The following PCDHA7 variants were observed in gnomAD, a reference collection of about 807,000 sequenced individuals.
PCDHA7 encodes protocadherin alpha-7.
In PCDHA7, 37 loss-of-function variants were observed where a neutral mutation model predicts 57.2. That is an observed-to-expected ratio of 0.65 (90% confidence interval 0.50 to 0.85). The LOEUF (loss-of-function observed/expected upper bound fraction) is 0.85, where lower values mean the gene tolerates loss of function less well. PCDHA7 is among the 40% of genes least tolerant of loss of function. The pLI is 0.00. For synonymous variants in PCDHA7, 553 were observed against 558.8 expected, an observed-to-expected ratio of 0.99 and a Z score of 0.15; for missense variants, 1,188 against 1,241.8, an observed-to-expected ratio of 0.96 and a Z score of 0.65.
chr5:141,010,107 C>T lies in PCDHA7; in HGVS notation c.*170C>T, dbSNP rs1457376249. On this transcript the variant is annotated 3_prime_UTR_variant, in exon 4 of 4. Coordinates refer to ENST00000525929, the MANE Select transcript of PCDHA7 (RefSeq NM_018910.3). ...CTAGAACGCATTTAACAGGTTTTGT[C>T]GTAAAAGCTTTACTAAGTCTGGTGT... 8.1e-6 allele frequency: 13 copies of T among 1,611,484 alleles called. No individual in the cohort carries two copies. Among genetic ancestry groups the T allele is most frequent in the South Asian group, 4.4e-5 (4 of 90,776 alleles).
chr5:140,848,904 CAA>C, intron 1 of PCDHA7: 1 of 1,608,060 alleles, frequency 6.2e-7, no homozygotes. Flanking sequence ...CCCAGCGACA[CAA>C]AAGAATCTGT....
chr5:140,993,661 A>G (rs902592339), intron 3 of PCDHA7, among the ~76,000 whole-genome samples: 1 of 152,182 alleles, frequency 6.6e-6, no homozygotes, highest in African/African-American at 2.4e-5. Flanking sequence ...TTGGTTAACA[A>G]TGGACCACAT....
intron 1 of PCDHA7, among the ~76,000 whole-genome samples, chr5:140,872,820 T>C (rs1233972983): frequency 6.6e-6 from 1 of 152,216 alleles, no homozygotes; most frequent in African/African-American, 2.4e-5. Flanking sequence ...TTCAGATTCA[T>C]CTAGCAGAGA....
intron 1 of PCDHA7, chr5:140,882,108 A>G: frequency 7.3e-7 from 1 of 1,370,912 alleles, no homozygotes; most frequent in Non-Finnish European, 9.8e-7. Flanking sequence ...TCCGCGAAGA[A>G]AGCCGCCGTT....
Position 140,855,272 on chromosome 5 carries a change from A to G in PCDHA7, c.2355+18534A>G, listed in dbSNP as rs527268244. Among the ~76,000 whole-genome samples the G allele has an allele frequency of 6.0e-5, 9 of 149,830 alleles. 1 individual carries two copies. In the South Asian group the frequency reaches 1.7e-3, roughly 28 times the overall value. ...CACTTACTATATTATAATTCACTCA[A>G]CCACCGTATTACTATTAGGCCAAAG... On this transcript the variant is annotated intron_variant, in intron 1 of 3. Transcript: ENST00000525929.
At chr5:140,850,218 G>A (rs2150473987) in intron 1 of PCDHA7, 3 of 1,593,686 alleles carry the variant, frequency 1.9e-6, no homozygotes, top group African/African-American at 1.3e-5. Flanking sequence ...GGGCACTGAC[G>A]GCGCAGTGAG....
intron 1 of PCDHA7, among the ~76,000 whole-genome samples, chr5:140,887,714 T>C (rs772328025): frequency 6.6e-6 from 1 of 152,220 alleles, no homozygotes; most frequent in Admixed American, 6.5e-5. Flanking sequence ...CTTCTTCTAA[T>C]AGTTTTTTCT....
chr5:140,852,798 T>A, intron 1 of PCDHA7: 1 of 976,860 alleles, frequency 1.0e-6, no homozygotes, highest in Non-Finnish European at 1.2e-6. Context: ...GCTACAGATG[T>A]CATTTGTCTC....
intron 1 of PCDHA7, chr5:140,857,657 C>T (rs1207727837): frequency 1.9e-6 from 3 of 1,596,740 alleles, no homozygotes; most frequent in Non-Finnish European, 1.7e-6. Context: ...GGTGAGCGCG[C>T]GCGATGGGGG....
intron 1 of PCDHA7, among the ~76,000 whole-genome samples, chr5:140,839,496 C>G (rs1776254419): frequency 6.6e-6 from 1 of 151,958 alleles, no homozygotes; most frequent in African/African-American, 2.4e-5. Context: ...CTCAAGTGAT[C>G]TTCCTACCTC....
intron 3 of PCDHA7, among the ~76,000 whole-genome samples, chr5:140,985,006 C>T (rs892412151): frequency 1.3e-5 from 2 of 151,922 alleles, no homozygotes; most frequent in South Asian, 2.1e-4. Context: ...GGCACGATAT[C>T]GGCTCACAGC....
At chr5:140,974,724 C>T (rs893225073) in intron 1 of PCDHA7, among the ~76,000 whole-genome samples, 11 of 152,168 alleles carry the variant, frequency 7.2e-5, no homozygotes, top group Admixed American at 2.6e-4. Flanking sequence ...TGCTCTCGAA[C>T]TCCTGTCTCC....
intron 1 of PCDHA7, chr5:140,862,568 C>A: frequency 2.1e-6 from 1 of 480,650 alleles, no homozygotes; most frequent in African/African-American, 2.0e-5. Context: ...AACCACAATG[C>A]CCTGGCGTTC....
chr5:140,954,599 C>T (rs1554221480), intron 1 of PCDHA7, among the ~76,000 whole-genome samples: 1 of 152,042 alleles, frequency 6.6e-6, no homozygotes, highest in East Asian at 1.9e-4. Flanking sequence ...ATGTTCTTTG[C>T]CCACTTTTTA....
In PCDHA7 at chr5:140,869,069, A is replaced by G. The variant is rs781835431; in HGVS notation, c.2355+32331A>G. 4 of 1,572,072 alleles carry G rather than the reference A, an allele frequency of 2.5e-6. No individual in the cohort carries two copies. The East Asian group carries it at 9.0e-5, about 35-fold the overall frequency. ...CTGAAGAATCTGGTACTGTAAGTGT[A>G]AAGAAGCTTATTTTGGAAGCCAATT... On this transcript the variant is annotated intron_variant, in intron 1 of 3. Coordinates refer to ENST00000525929, the MANE Select transcript of PCDHA7 (RefSeq NM_018910.3).
At chr5:140,923,151 T>A (rs1239888412) in intron 1 of PCDHA7, among the ~76,000 whole-genome samples, 3 of 152,108 alleles carry the variant, frequency 2.0e-5, no homozygotes, top group Non-Finnish European at 4.4e-5. Context: ...ATAAAAAAAA[T>A]TATAGAAAGA....
intron 1 of PCDHA7, chr5:140,859,188 C>T (rs2045759773): frequency 6.7e-6 from 1 of 149,820 alleles, no homozygotes; most frequent in Non-Finnish European, 1.5e-5. Flanking sequence ...TTAGGCATTG[C>T]TTATGATATT....
chr5:140,839,117 T>C (rs1776042409), intron 1 of PCDHA7, among the ~76,000 whole-genome samples: 1 of 151,952 alleles, frequency 6.6e-6, no homozygotes, highest in Admixed American at 6.5e-5. Flanking sequence ...CATTAAGCCA[T>C]AATATGTCAT....
chr5:140,967,088 GAGGCGCTGTGTGAGC>G, intron 1 of PCDHA7: 1 of 1,613,226 alleles, frequency 6.2e-7, no homozygotes, highest in Non-Finnish European at 8.5e-7. Context: ...CATTGATCGG[GAGGCGCTGTGTGAGC>G]AGCGGCCTCG....
Sources: gnomAD v4.1 joint callset for allele counts (sites outside exome capture counted in the v4.1 genomes callset) on GRCh38, gnomAD v4.1.1 for gene constraint, MANE v1.5 for transcripts, NCBI Gene and HGNC (gene_info 2026-07-23, HGNC 2026-07-21) for gene names.